Variants in FCHSD2 observed in about 807,000 individuals in gnomAD.
The protein encoded by FCHSD2 is FCH and double SH3 domains 2.
Under a neutral mutation model 108.1 loss-of-function variants are expected in FCHSD2, and 38 were observed. The ratio of observed to expected loss-of-function variants is 0.35; its 90% CI spans 0.27 to 0.46. The LOEUF (loss-of-function observed/expected upper bound fraction) is 0.46. Ranked by LOEUF, FCHSD2 falls within the 20% of genes least tolerant of loss-of-function variation. FCHSD2 has a pLI of 1.00. For synonymous variants in FCHSD2, 279 were observed against 314.7 expected (o/e 0.89, Z 1.20); for missense variants, 751 against 897.8 (o/e 0.84, Z 2.09).
At chr11:73,028,312 A>G (rs1392678558) in intron 3 of FCHSD2, among the ~76,000 whole-genome samples, 2 of 152,220 alleles carry the variant, frequency 1.3e-5, no homozygotes, top group Non-Finnish European at 2.9e-5. Flanking sequence ...GATGTGAGAC[A>G]TGGAGTCAAA....
chr11:73,083,674 G>A, intron 3 of FCHSD2, 21 bp downstream of exon 3: 2 of 1,504,872 alleles, frequency 1.3e-6, no homozygotes, highest in Non-Finnish European at 1.8e-6. Flanking sequence ...CCTAGAATGG[G>A]ACCTCCAATT....
At chr11:73,129,536 C>T (rs1860944003) in intron 2 of FCHSD2, among the ~76,000 whole-genome samples, 1 of 152,156 alleles carries the variant, frequency 6.6e-6, no homozygotes, top group Middle Eastern at 3.2e-3. Flanking sequence ...GAATCTAATG[C>T]CTGATGATCT....
intron 10 of FCHSD2, among the ~76,000 whole-genome samples, chr11:72,899,020 C>T (rs1429346830): frequency 6.6e-6 from 1 of 152,148 alleles, no homozygotes; most frequent in Non-Finnish European, 1.5e-5. Context: ...GTTGGGATTA[C>T]AGGCGTAAGC....
chr11:72,987,015 T>G (rs931583844), intron 6 of FCHSD2, among the ~76,000 whole-genome samples: 1 of 152,180 alleles, frequency 6.6e-6, no homozygotes, highest in Non-Finnish European at 1.5e-5. Flanking sequence ...AATTCTCATT[T>G]AAGTGCCAGA....
chr11:72,986,021 G>A (rs1272670700), intron 6 of FCHSD2, among the ~76,000 whole-genome samples: 1 of 152,102 alleles, frequency 6.6e-6, no homozygotes, highest in East Asian at 1.9e-4. Context: ...ACTGGATGAT[G>A]GAGCAGTTAG....
chr11:72,919,176 T>C (rs1358773438), intron 9 of FCHSD2, among the ~76,000 whole-genome samples: 2 of 152,322 alleles, frequency 1.3e-5, no homozygotes, highest in Non-Finnish European at 2.9e-5. Flanking sequence ...TTCAGCAGCA[T>C]AGCAAGAGCA....
chr11:72,924,711 T>C lies in FCHSD2; in HGVS notation c.706-2761A>G, dbSNP rs1451760155. On this transcript the variant is annotated intron_variant, in intron 8 of 19. Transcript: ENST00000409418. Reference sequence around the variant, plus strand: ...TTTTTTTTTTTAAATACACAAATTCTGTCCCAAAAGCACTGAGTAATAAAG... The same window carrying C: ...TTTTTTTTTTTAAATACACAAATTCCGTCCCAAAAGCACTGAGTAATAAAG... Among the ~76,000 whole-genome samples, 4 of 151,730 alleles carry C rather than the reference T, an allele frequency of 2.6e-5. No individual in the cohort carries two copies. In the East Asian group the frequency reaches 5.8e-4, roughly 22 times the overall value.
At chr11:73,027,797 G>A (rs75998165) in intron 3 of FCHSD2, among the ~76,000 whole-genome samples, 1,776 of 152,358 alleles carry the variant, frequency 0.012, 28 homozygotes, top group African/African-American at 0.041. Flanking sequence ...CTTGGGACAC[G>A]GTGCCCTGCA....
intron 8 of FCHSD2, among the ~76,000 whole-genome samples, chr11:72,967,803 C>G (rs542940225): frequency 6.6e-6 from 1 of 151,934 alleles, no homozygotes; most frequent in Non-Finnish European, 1.5e-5. Context: ...AAGAAGTGGG[C>G]AGAGAGGCTG....
intron 8 of FCHSD2, among the ~76,000 whole-genome samples, chr11:72,932,474 C>CA (rs1856213687): frequency 6.6e-6 from 1 of 152,192 alleles, no homozygotes. Flanking sequence ...ACTTATTACT[C>CA]ACTCCCCATT....
intron 3 of FCHSD2, among the ~76,000 whole-genome samples, chr11:73,053,912 T>C (rs1182664991): frequency 1.3e-5 from 2 of 152,228 alleles, no homozygotes; most frequent in African/African-American, 4.8e-5. Context: ...GTCTGTAATC[T>C]AAAAATTTTA....
chr11:72,904,505 T>C (rs934808956), intron 9 of FCHSD2, among the ~76,000 whole-genome samples: 1 of 152,226 alleles, frequency 6.6e-6, no homozygotes, highest in African/African-American at 2.4e-5. Context: ...GCCAATATTC[T>C]TTCATCTTTA....
intron 13 of FCHSD2, among the ~76,000 whole-genome samples, chr11:72,852,517 T>C (rs1019140308): frequency 6.6e-6 from 1 of 151,988 alleles, no homozygotes; most frequent in Non-Finnish European, 1.5e-5. Flanking sequence ...AATACAAAAA[T>C]TAGCCAGGCG....
Position 73,059,259 on chromosome 11 carries a change from G to A in FCHSD2, c.165+24436C>T, listed in dbSNP as rs142135014. Among the ~76,000 whole-genome samples, 1,298 of 151,782 alleles carry A rather than the reference G, an allele frequency of 8.6e-3. 7 individuals carry two copies. The highest frequency in any genetic ancestry group is 0.051 in the Middle Eastern group (15 of 294). ...CTTTACATTACACTGTGTGAACTACGGTTTATTTACCCTCCGTGGGTTTTT... is the reference window on the plus strand; with the variant it reads ...CTTTACATTACACTGTGTGAACTACAGTTTATTTACCCTCCGTGGGTTTTT... On this transcript the variant is annotated intron_variant, in intron 3 of 19. Transcript: ENST00000409418.
intron 8 of FCHSD2, chr11:72,940,946 G>A (rs1034370964): frequency 4.7e-5 from 36 of 772,870 alleles, no homozygotes; most frequent in Middle Eastern, 3.6e-4. Context: ...GACACCCAAT[G>A]GATCACCAAA....
chr11:72,919,479 G>A (rs1456284704), intron 9 of FCHSD2, among the ~76,000 whole-genome samples: 1 of 152,134 alleles, frequency 6.6e-6, no homozygotes, highest in African/African-American at 2.4e-5. Context: ...AGAAGATCAT[G>A]GAAAGCACTA....
chr11:72,870,022 C>A (rs2135209113), intron 12 of FCHSD2, among the ~76,000 whole-genome samples: 1 of 152,236 alleles, frequency 6.6e-6, no homozygotes, highest in South Asian at 2.1e-4. Context: ...ATGCTCCCAC[C>A]CCACTGTCCC....
chr11:73,035,963 C>T (rs545550408), intron 3 of FCHSD2, among the ~76,000 whole-genome samples: 1 of 152,216 alleles, frequency 6.6e-6, no homozygotes, highest in South Asian at 2.1e-4. Flanking sequence ...TTGTGATCCG[C>T]CTACCTCAGC....
chr11:72,922,350 T>C (rs973354885), intron 8 of FCHSD2, among the ~76,000 whole-genome samples: 7 of 152,108 alleles, frequency 4.6e-5, no homozygotes, highest in Admixed American at 2.6e-4. Context: ...CAATCCATTA[T>C]TGGTAGGATT....
Sources: gnomAD v4.1 joint callset for allele counts (sites outside exome capture counted in the v4.1 genomes callset) on GRCh38, gnomAD v4.1.1 for gene constraint, MANE v1.5 for transcripts, NCBI Gene and HGNC (gene_info 2026-07-23, HGNC 2026-07-21) for gene names.